Variants in ANPEP observed in about 807,000 individuals in gnomAD.
The protein encoded by ANPEP is alanyl aminopeptidase, membrane.
A neutral mutation model predicts 114.6 loss-of-function variants in ANPEP; 70 were observed. That is an observed-to-expected ratio of 0.61 (90% CI 0.50 to 0.75). The LOEUF is 0.75. ANPEP is among the 30% of genes least tolerant of loss of function. ANPEP has a pLI of 0.00. For missense variants in ANPEP, 1,184 were observed against 1,259.5 expected, an observed-to-expected ratio of 0.94 and a Z score of 0.91; for synonymous variants, 548 against 522.3, an observed-to-expected ratio of 1.05 and a Z score of -0.67.
At chr15:89,811,523 G>A (rs1465139053) in intron 1 of ANPEP, among the ~76,000 whole-genome samples, 2 of 151,852 alleles carry the variant, frequency 1.3e-5, no homozygotes, top group Non-Finnish European at 2.9e-5. Flanking sequence ...GTGGGCGCCT[G>A]TAATCCCAAC....
chr15:89,807,783 A>G (rs2141814015), intron 1 of ANPEP, among the ~76,000 whole-genome samples: 1 of 152,286 alleles, frequency 6.6e-6, no homozygotes, highest in South Asian at 2.1e-4. Flanking sequence ...TGAAGATATT[A>G]CTTACCATAC....
rs1894668866 is a variant in ANPEP at position 89,804,559 on chromosome 15, T to C, written c.956A>G (p.Asn319Ser). The C allele has an allele frequency of 6.2e-7, 1 of 1,614,028 alleles. No individual in the cohort carries two copies. The highest frequency in any genetic ancestry group is 1.3e-5 in the African/African-American group (1 of 74,924). Residue 319 changes from asparagine (N) to serine (S), a missense_variant, in exon 5 of 21, where the codon AAC (asparagine) becomes AGC (serine). Physicochemically the swap from Asn to Ser is conservative, Grantham distance 46. Transcript: ENST00000300060. ...GAAGTTAAGGATGGGGCCCGTCACG[T>C]TCAGGGCATAATCGCCGTGGCCCGC... ...IAAGHGDYAL[N>S]VTGPILNFFA...
intron 18 of ANPEP, 103 bp from the exon 19 acceptor site, chr15:89,791,196 T>G: frequency 1.5e-6 from 2 of 1,358,402 alleles, no homozygotes; most frequent in Middle Eastern, 4.7e-4. Flanking sequence ...CCTCTCAACA[T>G]CCCCTCGGCC....
rs749291581 is a variant in ANPEP at position 89,805,393 on chromosome 15, T to C, written c.685A>G (p.Met229Val). 6.2e-7 allele frequency: 1 copy of C among 1,614,146 alleles called. No individual in the cohort carries two copies. The highest frequency in any genetic ancestry group is 8.5e-7 in the Non-Finnish European group (1 of 1,180,008). The part of the protein sequence containing the change: ...KSFPCFDEPA[M>V]KAEFNITLIH... ...AGCGTGATGTTGAACTCGGCCTTCATGGCCGGCTCATCGAAGCATGGGAAG... is the reference window on the plus strand; with the variant it reads ...AGCGTGATGTTGAACTCGGCCTTCACGGCCGGCTCATCGAAGCATGGGAAG... Residue 229 changes from methionine (M) to valine (V), a missense_variant, in exon 3 of 21, where the codon ATG (methionine) becomes GTG (valine). Transcript: ENST00000300060.
chr15:89,811,703 A>G (rs998621355), intron 1 of ANPEP, among the ~76,000 whole-genome samples: 2 of 151,892 alleles, frequency 1.3e-5, no homozygotes, highest in Non-Finnish European at 2.9e-5. Flanking sequence ...GGTAGCTCCT[A>G]AAAGGATCCT....
intron 15 of ANPEP, among the ~76,000 whole-genome samples, chr15:89,794,485 A>AAAAT (rs35273925): frequency 1.3e-5 from 2 of 152,078 alleles, no homozygotes; most frequent in Non-Finnish European, 2.9e-5. Context: ...TTCTGTCTCA[A>AAAAT]AAATAAATAA....
At chr15:89,794,223 C>T (rs1428548364) in intron 15 of ANPEP, among the ~76,000 whole-genome samples, 10 of 152,184 alleles carry the variant, frequency 6.6e-5, no homozygotes, top group Non-Finnish European at 1.5e-4. Flanking sequence ...GGGGCACATG[C>T]CTGTAATCCC....
At chr15:89,792,936 C>T in intron 16 of ANPEP, 99 bp downstream of exon 16, 1 of 1,065,360 alleles carries the variant, frequency 9.4e-7, no homozygotes, top group South Asian at 1.4e-5. Context: ...CTGCCTGGTG[C>T]CCCCGCATTG....
At position 89,799,915 on chromosome 15, in the gene ANPEP, C is replaced by T. The variant is rs1182537298; in HGVS notation, c.1820-356G>A. Among the ~76,000 whole-genome samples, 1 of 152,172 alleles carries T rather than the reference C, an allele frequency of 6.6e-6. No individual in the cohort carries two copies. Among genetic ancestry groups the T allele is most frequent in the Non-Finnish European group, 1.5e-5 (1 of 68,026 alleles). ...TCACCCAAGTGGGAACCACAGGCAG[C>T]TCCTCCTCTCCCTTCCCCTCCCATT... On this transcript the variant is annotated intron_variant, in intron 12 of 20. Transcript: ENST00000300060. This position sits in a 1 kb window ranked among gnomAD's most constrained non-coding sequence, Gnocchi z 4.2.
chr15:89,786,829 A>C (rs1968515795), intron 20 of ANPEP, among the ~76,000 whole-genome samples: 1 of 152,180 alleles, frequency 6.6e-6, no homozygotes, highest in Admixed American at 6.5e-5. Flanking sequence ...AGAATCCAAA[A>C]ACAAACCCTT....
At position 89,801,564 on chromosome 15, in the gene ANPEP, T is replaced by C. The variant is rs540893220; in HGVS notation, c.1613A>G (p.Asp538Gly). ...CTGCAGGGTCCAGCGGTTCATGATG[T>C]CCCGCACGGTGGTGGGGAGTTGGAT... is the stretch of plus-strand genomic sequence containing the variant. ...RSIQLPTTVR[D>G]IMNRWTLQMG... is the part of the protein sequence containing the mutation. The change falls in exon 11 of 21, where the codon GAC (aspartate) becomes GGC (glycine). Residue 538 changes from aspartate (D) to glycine (G), a missense_variant. Physicochemically the swap from Asp to Gly is moderately conservative, Grantham distance 94. Transcript: ENST00000300060. 3 of 1,614,062 alleles carry C rather than the reference T, an allele frequency of 1.9e-6. No homozygotes were observed. In the South Asian group the frequency reaches 3.3e-5, roughly 18 times the overall value.
In ANPEP at chr15:89,799,604, G is replaced by A. The variant is rs754241582; in HGVS notation, c.1820-45C>T. 1.9e-5 allele frequency: 31 copies of A among 1,613,146 alleles called. No homozygotes were observed. The South Asian group carries it at 2.7e-4, about 14-fold the overall frequency. On this transcript the variant is annotated intron_variant, in intron 12 of 20. Transcript: ENST00000300060. The surrounding 1 kb of genome is among the most constrained non-coding windows in gnomAD (Gnocchi z 4.2). ...CTGGGCAGGGCTGCTCAGAGGCCAT[G>A]GGCTGACCCCTGGACCTCTTGCAAG...
In ANPEP at chr15:89,803,114, T is replaced by C. The variant is rs1894628513; in HGVS notation, c.1569+125A>G. The C allele has an allele frequency of 5.4e-5, 58 of 1,079,640 alleles. 2 individuals are homozygous for C. In the South Asian group the frequency reaches 7.5e-4, roughly 14 times the overall value. 66.9% of individuals were successfully genotyped at this position (1,079,640 alleles called of 1,614,324 possible). A position where few individuals can be genotyped will look rare whatever the true frequency, so the allele number is the denominator to read the frequency against. ...ATAGGGAGGAGCAACAGAGGCTCCA[T>C]CCACCCTGCAGGGCTGGTCAGCCGC... On this transcript the variant is annotated intron_variant, in intron 10 of 20. Transcript: ENST00000300060. This position sits in a 1 kb window ranked among gnomAD's most constrained non-coding sequence, Gnocchi z 4.2.
rs754791546 is a variant in ANPEP, at chr15:89,806,698, A to C, written c.-115T>G. 8 of 1,432,014 alleles carry C rather than the reference A, an allele frequency of 5.6e-6. No individual in the cohort carries two copies. Among genetic ancestry groups the C allele is most frequent in the Non-Finnish European group, 7.3e-6 (8 of 1,091,236 alleles). The allele number at this position is 1,432,014 out of a possible 1,614,324, so 88.7% of individuals were successfully genotyped here. ...GCCCCACAACAGGCAGACTGGGCAAAAATTAACCAGGGCTCCAACAGGCGA... is the reference window on the plus strand; with the variant it reads ...GCCCCACAACAGGCAGACTGGGCAACAATTAACCAGGGCTCCAACAGGCGA... On this transcript the variant is annotated 5_prime_UTR_variant, in exon 2 of 21. Coordinates refer to ENST00000300060, the MANE Select transcript of ANPEP (RefSeq NM_001150.3). The surrounding 1 kb of genome is among the most constrained non-coding windows in gnomAD (Gnocchi z 5.7).
intron 15 of ANPEP, 150 bp from the exon 16 acceptor site, chr15:89,793,276 T>C (rs1968667923): frequency 1.6e-6 from 1 of 613,108 alleles, no homozygotes; most frequent in Non-Finnish European, 2.9e-6. Flanking sequence ...AAGGGGCCCA[T>C]AGAAGTCTAG....
chr15:89,799,314 G>A lies in ANPEP; in HGVS notation c.1955C>T (p.Ala652Val). ...IQTQLQRDHS[A>V]IPVINRAQII... Reference sequence around the variant, plus strand: ...CTGTGCCCGATTGATGACAGGGATGGCCTAGAATGCGAAGCACAGCATGTG... The same window carrying A: ...CTGTGCCCGATTGATGACAGGGATGACCTAGAATGCGAAGCACAGCATGTG... Residue 652 changes from alanine to valine, a missense_variant and splice_region_variant, in exon 14 of 21, where the codon GCC (alanine) becomes GTC (valine). Ala to Val is a moderately conservative substitution (Grantham distance 64, BLOSUM62 0). Transcript: ENST00000300060. This position sits in a 1 kb window ranked among gnomAD's most constrained non-coding sequence, Gnocchi z 4.2. 6.2e-7 allele frequency: 1 copy of A among 1,614,182 alleles called. No individual in the cohort carries two copies. Among genetic ancestry groups the A allele is most frequent in the Non-Finnish European group, 8.5e-7 (1 of 1,180,034 alleles).
In ANPEP at chr15:89,805,327, G is replaced by A; in HGVS notation, c.751C>T (p.Pro251Ser). 1 of 1,613,970 alleles carries A rather than the reference G, an allele frequency of 6.2e-7. No individual in the cohort carries two copies. Among genetic ancestry groups the A allele is most frequent in the South Asian group, 1.1e-5 (1 of 91,088 alleles). ...KDLTALSNMLPKGPSTPLPED... is the reference protein window; with the variant it reads ...KDLTALSNMLSKGPSTPLPED... The stretch of plus-strand genomic sequence containing the variant: ...GCAGGCAGGGCCCACTCACCTTTGG[G>A]AAGCATGTTGGACAGGGCTGTCAGG... Residue 251 changes from proline to serine, a missense_variant, in exon 3 of 21, where the codon CCC becomes TCC. Pro to Ser is a moderately conservative substitution (Grantham distance 74, BLOSUM62 -1). Coordinates refer to ENST00000300060, the MANE Select transcript of ANPEP (RefSeq NM_001150.3).
chr15:89,811,563 A>G (rs539482228), intron 1 of ANPEP, among the ~76,000 whole-genome samples: 53 of 151,588 alleles, frequency 3.5e-4, no homozygotes, highest in African/African-American at 9.2e-4. Flanking sequence ...GGAGAATGGC[A>G]TGAACCCGGG....
chr15:89,792,485 A>G lies in ANPEP; in HGVS notation c.2327T>C (p.Phe776Ser). The change falls in exon 17 of 21, where the codon TTC becomes TCC. Residue 776 changes from phenylalanine to serine, a missense_variant. Phe to Ser is a radical substitution (Grantham distance 155, BLOSUM62 -2). Coordinates refer to ENST00000300060, the MANE Select transcript of ANPEP (RefSeq NM_001150.3). ...PECEEMVSGL[F>S]KQWMENPNNN... ...ATTGGGGTTCTCCATCCACTGCTTG[A>G]AAAGGCCAGAGACCATCTCCTCACA... is the stretch of plus-strand genomic sequence containing the variant. 6.2e-7 allele frequency: 1 copy of G among 1,614,112 alleles called. No individual in the cohort carries two copies. Among genetic ancestry groups the G allele is most frequent in the Non-Finnish European group, 8.5e-7 (1 of 1,180,002 alleles).
Sources: gnomAD v4.1 joint callset for allele counts (sites outside exome capture counted in the v4.1 genomes callset) on GRCh38, gnomAD v4.1.1 for gene constraint, Gnocchi (gnomAD v3.1) non-coding constraint, MANE v1.5 for transcripts, NCBI Gene and HGNC (gene_info 2026-07-23, HGNC 2026-07-21) for gene names.